ARG1: variants seen among roughly 807,000 people sequenced by gnomAD.
ARG1 encodes the protein arginase-1.
Under a neutral mutation model 33.0 loss-of-function variants are expected in ARG1, and 20 were observed. That is an observed-to-expected ratio of 0.61 (90% CI 0.43 to 0.88). The LOEUF is 0.88. Ranked by LOEUF, ARG1 falls within the 40% of genes least tolerant of loss-of-function variation. The pLI, the probability that ARG1 is intolerant of heterozygous loss-of-function variation, is 0.00. For missense variants in ARG1, 374 were observed against 384.7 expected (o/e 0.97, Z 0.23); for synonymous variants, 146 against 140.6 (o/e 1.04, Z -0.27).
At chr6:131,578,458 C>A (rs1773739700) in intron 2 of ARG1, among the ~76,000 whole-genome samples, 1 of 152,056 alleles carries the variant, frequency 6.6e-6, no homozygotes, top group African/African-American at 2.4e-5. Context: ...CACACCCAGT[C>A]CTTAGGAATT....
chr6:131,575,924 T>C (rs1773590505), intron 1 of ARG1, among the ~76,000 whole-genome samples: 1 of 152,188 alleles, frequency 6.6e-6, no homozygotes. Context: ...ATGATGACTT[T>C]TTCTGTTGCC....
intron 7 of ARG1, 51 bp downstream of exon 7, chr6:131,583,542 T>C (rs1254153284): frequency 1.3e-6 from 2 of 1,556,350 alleles, no homozygotes; most frequent in Non-Finnish European, 1.7e-6. Context: ...TTGACTAATA[T>C]ATATTTATAC....
At chr6:131,574,029 C>G (rs1773495183) in intron 1 of ARG1, 1 of 519,230 alleles carries the variant, frequency 1.9e-6, no homozygotes, top group African/African-American at 1.9e-5. Flanking sequence ...CAGCCACGAG[C>G]TGTGAATCCA....
At position 131,581,281 on chromosome 6, in the gene ARG1, T is replaced by G. The variant is rs913575060; in HGVS notation, c.368T>G (p.Val123Gly). Residue 123 changes from valine to glycine, a missense_variant, in exon 4 of 8, where the codon GTG becomes GGG. Coordinates refer to ENST00000368087, the MANE Select transcript of ARG1 (RefSeq NM_000045.4). Reference protein sequence around the residue: ...RVHPDLGVIWVDAHTDINTPL... With the variant: ...RVHPDLGVIWGDAHTDINTPL... ...CACCCTGATCTTGGAGTCATCTGGG[T>G]GGATGCTCACACTGATATCAACACT... is the stretch of plus-strand genomic sequence containing the variant. 1.9e-6 allele frequency: 3 copies of G among 1,613,774 alleles called. No homozygotes were observed. Among genetic ancestry groups the G allele is most frequent in the Non-Finnish European group, 2.5e-6 (3 of 1,179,840 alleles).
At chr6:131,577,371 A>G (rs1357851402) in intron 2 of ARG1, among the ~76,000 whole-genome samples, 1 of 152,174 alleles carries the variant, frequency 6.6e-6, no homozygotes, top group South Asian at 2.1e-4. Flanking sequence ...ATATATTTAC[A>G]TTTTGACCCA....
chr6:131,581,561 C>T (rs1773927752), intron 4 of ARG1, among the ~76,000 whole-genome samples, 183 bp downstream of exon 4: 1 of 152,172 alleles, frequency 6.6e-6, no homozygotes, highest in Non-Finnish European at 1.5e-5. Flanking sequence ...CTCTGCCTTG[C>T]AAACTGACTT....
chr6:131,573,411 G>GTTA, intron 1 of ARG1, 72 bp downstream of exon 1: 2 of 1,434,024 alleles, frequency 1.4e-6, no homozygotes, highest in Non-Finnish European at 2.0e-6. Context: ...TTTGTAAGGT[G>GTTA]TTATTGTCTA....
intron 4 of ARG1, among the ~76,000 whole-genome samples, chr6:131,582,016 T>C (rs549575950): frequency 5.3e-5 from 8 of 152,292 alleles, no homozygotes; most frequent in African/African-American, 1.9e-4. Context: ...TGATATGCCA[T>C]AGTATATCAA....
Position 131,583,471 on chromosome 6 carries a change from C to A in ARG1, c.782C>A (p.Thr261Lys). 6.2e-7 allele frequency: 1 copy of A among 1,614,106 alleles called. No individual in the cohort carries two copies. The highest frequency in any genetic ancestry group is 8.5e-7 in the Non-Finnish European group (1 of 1,179,992). ...ACATACAGAGAAGGTCTCTACATCA[C>A]AGAAGAAATCTACAAAACAGGTAGT... ...GLTYREGLYI[T>K]EEIYKTGLLS... The change falls in exon 7 of 8, where the codon ACA (threonine) becomes AAA (lysine). Residue 261 changes from threonine (T) to lysine (K), a missense_variant. Coordinates refer to ENST00000368087, the MANE Select transcript of ARG1 (RefSeq NM_000045.4).
intron 6 of ARG1, 86 bp from the exon 7 acceptor site, chr6:131,583,269 T>A (rs1294230378): frequency 3.7e-6 from 6 of 1,607,692 alleles, no homozygotes; most frequent in African/African-American, 1.3e-5. Flanking sequence ...GGGTTGCTAC[T>A]TTTTATAAAA....
At chr6:131,576,760 C>A in intron 2 of ARG1, 25 bp downstream of exon 2, 1 of 1,596,166 alleles carries the variant, frequency 6.3e-7, no homozygotes, top group South Asian at 1.1e-5. Context: ...GAAAAATGAT[C>A]AGCCTGATTT....
chr6:131,584,195 C>T lies in ARG1; in HGVS notation c.*287C>T. ...AAAATTTGCTGGCATTAAAAATAAG[C>T]ACACTTACATAAGCCCCCATACATA... is the stretch of plus-strand genomic sequence containing the variant. On this transcript the variant is annotated 3_prime_UTR_variant, in exon 8 of 8. Transcript: ENST00000368087. The T allele has an allele frequency of 2.5e-6, 1 of 402,080 alleles. No homozygotes were observed. The highest frequency in any genetic ancestry group is 2.5e-5 in the South Asian group (1 of 40,254). 24.9% of individuals were successfully genotyped at this position (402,080 alleles called of 1,614,324 possible).
Position 131,584,144 on chromosome 6 carries a change from G to C in ARG1, c.*236G>C. On this transcript the variant is annotated 3_prime_UTR_variant, in exon 8 of 8. Coordinates refer to ENST00000368087, the MANE Select transcript of ARG1 (RefSeq NM_000045.4). ...TTGGCAAAAGACTTATCCTTAGAAAGAGAAGTGTACATTGATTTCCAATTA... is the reference window on the plus strand; with the variant it reads ...TTGGCAAAAGACTTATCCTTAGAAACAGAAGTGTACATTGATTTCCAATTA... 1.9e-6 allele frequency: 1 copy of C among 521,920 alleles called. No individual in the cohort carries two copies. The highest frequency in any genetic ancestry group is 2.2e-5 in the South Asian group (1 of 45,360). 32.3% of individuals were successfully genotyped at this position (521,920 alleles called of 1,614,324 possible). A position where few individuals can be genotyped will look rare whatever the true frequency, so the allele number is the denominator to read the frequency against.
chr6:131,574,303 A>G (rs761882497), intron 1 of ARG1: 34 of 1,613,808 alleles, frequency 2.1e-5, no homozygotes, highest in Non-Finnish European at 2.6e-5. Flanking sequence ...TTACTGCAAA[A>G]CAAATTGAGA....
chr6:131,578,690 CAT>C (rs1773754204), intron 2 of ARG1, among the ~76,000 whole-genome samples: 2 of 152,108 alleles, frequency 1.3e-5, no homozygotes, highest in South Asian at 4.2e-4. Context: ...TCTGAGAATA[CAT>C]ATATATACCG....
intron 3 of ARG1, among the ~76,000 whole-genome samples, chr6:131,580,411 A>G (rs1308543523): frequency 1.3e-5 from 2 of 152,216 alleles, no homozygotes; most frequent in Non-Finnish European, 2.9e-5. Flanking sequence ...CGAGAATCTA[A>G]AAGCTCATGA....
chr6:131,582,371 GC>G (rs1326702003), intron 4 of ARG1, among the ~76,000 whole-genome samples: 1 of 152,142 alleles, frequency 6.6e-6, no homozygotes, highest in Non-Finnish European at 1.5e-5. Context: ...TTATAGAGGA[GC>G]CCTGGGAAAG....
intron 1 of ARG1, among the ~76,000 whole-genome samples, 167 bp downstream of exon 1, chr6:131,573,506 G>C (rs1773474652): frequency 2.0e-5 from 3 of 152,136 alleles, no homozygotes; most frequent in African/African-American, 7.2e-5. Flanking sequence ...TATAATTATA[G>C]TCACATATCC....
In ARG1 at chr6:131,582,814, G is replaced by GAC. The variant is rs75155115; in HGVS notation, c.560+115_560+116dup. The GAC allele has an allele frequency of 0.084, 76,468 of 910,478 alleles. 2,043 individuals carry two copies. The highest frequency in any genetic ancestry group is 0.17 in the Middle Eastern group (785 of 4,618). The allele number at this position is 910,478 out of a possible 1,614,324, so 56.4% of individuals were successfully genotyped here. A position where few individuals can be genotyped will look rare whatever the true frequency, so the allele number is the denominator to read the frequency against. ...TCTATGAGAGAAAATTAAACATCAA[G>GAC]ACACACACACACACACATGCCCACA... On this transcript the variant is annotated intron_variant, in intron 5 of 7. Transcript: ENST00000368087.
Sources: allele counts gnomAD v4.1 joint callset (sites outside exome capture counted in the v4.1 genomes callset), GRCh38; gene constraint gnomAD v4.1.1; transcripts MANE v1.5; gene names NCBI Gene and HGNC (gene_info 2026-07-23, HGNC 2026-07-21).